Variants in ESYT3 observed in about 807,000 individuals in gnomAD.
The protein encoded by ESYT3 is extended synaptotagmin-3.
In ESYT3, 101 loss-of-function variants were observed where a neutral mutation model predicts 111.5. The ratio of observed to expected loss-of-function variants is 0.91; its 90% CI spans 0.77 to 1.07. The LOEUF is 1.07. Ranked by LOEUF, ESYT3 falls within the 50% of genes least tolerant of loss-of-function variation. The pLI is 0.00. For synonymous variants in ESYT3, 416 were observed against 446.8 expected (o/e 0.93, Z 0.87); for missense variants, 1,097 against 1,109.4 (o/e 0.99, Z 0.16).
intron 1 of ESYT3, among the ~76,000 whole-genome samples, chr3:138,443,342 A>T (rs946892243): frequency 1.5e-4 from 23 of 152,238 alleles, no homozygotes; most frequent in African/African-American, 5.3e-4. Context: ...TTAATGGTTA[A>T]ATGTTTGCCT....
chr3:138,458,495 C>T (rs1473532652), intron 4 of ESYT3, among the ~76,000 whole-genome samples: 1 of 152,244 alleles, frequency 6.6e-6, no homozygotes, highest in Non-Finnish European at 1.5e-5. Context: ...AAGAGGCACT[C>T]GGTTTTTGCG....
chr3:138,444,912 G>A (rs928807379), intron 1 of ESYT3, among the ~76,000 whole-genome samples: 6 of 152,190 alleles, frequency 3.9e-5, no homozygotes, highest in Non-Finnish European at 8.8e-5. Flanking sequence ...AACCCCCGGA[G>A]GCAGAGGAGC....
In ESYT3 at chr3:138,472,817, C is replaced by T. The variant is rs770458053; in HGVS notation, c.2195C>T (p.Ala732Val). 1.9e-6 allele frequency: 3 copies of T among 1,614,078 alleles called. No individual in the cohort carries two copies. The African/African-American group carries it at 4.0e-5, about 22-fold the overall frequency. Residue 732 changes from alanine to valine, a missense_variant, in exon 18 of 23, where the codon GCC becomes GTC. Coordinates refer to ENST00000389567, the MANE Select transcript of ESYT3 (RefSeq NM_031913.5). The part of the protein sequence containing the change: ...APSMSSLNSL[A>V]SSCFDLADIS... ...AGCATGTCCTCGCTCAACTCCTTGG[C>T]CTCTTCTTGCTTTGACCTGGCAGAT...
intron 1 of ESYT3, among the ~76,000 whole-genome samples, chr3:138,448,191 C>T (rs1202036082): frequency 1.4e-5 from 2 of 147,314 alleles, no homozygotes; most frequent in Non-Finnish European, 3.0e-5. Flanking sequence ...CACTTGAACC[C>T]AGTGGGTGGA....
chr3:138,455,509 C>T (rs2032222717), intron 3 of ESYT3, among the ~76,000 whole-genome samples, 181 bp downstream of exon 3: 1 of 152,112 alleles, frequency 6.6e-6, no homozygotes, highest in South Asian at 2.1e-4. Flanking sequence ...CAGTAGACAC[C>T]CTTCCCCCAC....
In ESYT3 at chr3:138,473,674, T is replaced by C. The variant is rs1380017815; in HGVS notation, c.2336+40T>C. 4 of 1,555,892 alleles carry C rather than the reference T, an allele frequency of 2.6e-6. No individual in the cohort carries two copies. In the East Asian group the frequency reaches 6.8e-5, roughly 26 times the overall value. Reference sequence around the variant, plus strand: ...GGGCCAGGGAGGTCCTTTGGGAGCATCAGGTGACCATAAATCAGAGTAGGG... The same window carrying C: ...GGGCCAGGGAGGTCCTTTGGGAGCACCAGGTGACCATAAATCAGAGTAGGG... On this transcript the variant is annotated intron_variant, in intron 19 of 22. Coordinates refer to ENST00000389567, the MANE Select transcript of ESYT3 (RefSeq NM_031913.5).
intron 3 of ESYT3, among the ~76,000 whole-genome samples, chr3:138,456,660 C>T (rs772345027): frequency 9.9e-5 from 15 of 152,108 alleles, no homozygotes; most frequent in Admixed American, 2.0e-4. Context: ...GTGTGAACTG[C>T]GCATGTGAGG....
rs140154947 is a variant in ESYT3 at position 138,460,635 on chromosome 3, C to A, written c.763C>A (p.Leu255Met). ...GCACCTACAGATCAACTGGACTGGC[C>A]TGACCAACCTGCTGGATGCGCCGGG... ...KPHLQINWTGLTNLLDAPGIN... is the reference protein window; with the variant it reads ...KPHLQINWTGMTNLLDAPGIN... Residue 255 changes from leucine (L) to methionine (M), a missense_variant, in exon 7 of 23, where the codon CTG becomes ATG. Coordinates refer to ENST00000389567, the MANE Select transcript of ESYT3 (RefSeq NM_031913.5). The A allele has an allele frequency of 6.2e-7, 1 of 1,614,138 alleles. No individual in the cohort carries two copies. Among genetic ancestry groups the A allele is most frequent in the Non-Finnish European group, 8.5e-7 (1 of 1,179,982 alleles).
chr3:138,461,351 T>C (rs1254666900), intron 7 of ESYT3, among the ~76,000 whole-genome samples: 1 of 152,122 alleles, frequency 6.6e-6, no homozygotes, highest in African/African-American at 2.4e-5. Context: ...GATCTCACCA[T>C]CTGGGGGCAA....
intron 4 of ESYT3, among the ~76,000 whole-genome samples, chr3:138,458,762 G>C (rs535852191): frequency 6.6e-6 from 1 of 152,344 alleles, no homozygotes; most frequent in African/African-American, 2.4e-5. Flanking sequence ...AGCAGTGGGG[G>C]CTGCTTCTGT....
Position 138,464,476 on chromosome 3 carries a change from CT to C in ESYT3, c.1048del (p.Tyr350ThrfsTer4). The C allele has an allele frequency of 1.2e-6, 2 of 1,614,134 alleles. No individual in the cohort carries two copies. The highest frequency in any genetic ancestry group is 2.2e-5 in the South Asian group (2 of 91,076). ...TACAGCATTTCCGGAGTAGGACCAT[CT>C]ACAGGAACCTGAACCCCACCTGGAA... ...GLQHFRSRTI[Y>X]RNLNPTWNEV... is the part of the protein sequence containing the mutation. On this transcript the variant is annotated frameshift_variant, in exon 9 of 23. Transcript: ENST00000389567. LOFTEE classifies it high-confidence loss of function.
chr3:138,467,738 G>C (rs1056855993), intron 11 of ESYT3, 129 bp downstream of exon 11: 49 of 848,126 alleles, frequency 5.8e-5, no homozygotes, highest in Non-Finnish European at 9.0e-5. Context: ...TCCATCCTCA[G>C]GGCAAGAGCT....
intron 19 of ESYT3, 76 bp downstream of exon 19, chr3:138,473,710 C>T: frequency 8.0e-7 from 1 of 1,245,340 alleles, no homozygotes; most frequent in South Asian, 1.2e-5. Context: ...ACACTCAGAG[C>T]AATGAAAAGG....
In ESYT3 at chr3:138,470,184, G is replaced by A. The variant is rs2033147281; in HGVS notation, c.1590+38G>A. ...AAGGGCTCTTGAAACAGAGTTAAGA[G>A]GTTTTTAAGCCAGGCGGGCTGGGAA... On this transcript the variant is annotated intron_variant, in intron 16 of 22. Transcript: ENST00000389567. 3 of 1,603,286 alleles carry A rather than the reference G, an allele frequency of 1.9e-6. No individual in the cohort carries two copies. In the African/African-American group the frequency reaches 4.0e-5, roughly 21 times the overall value.
Position 138,459,976 on chromosome 3 carries a change from C to T in ESYT3, c.680C>T (p.Pro227Leu). 1 of 1,614,106 alleles carries T rather than the reference C, an allele frequency of 6.2e-7. No homozygotes were observed. The change falls in exon 6 of 23, where the codon CCC becomes CTC. Residue 227 changes from proline to leucine, a missense_variant. Pro to Leu is a moderately conservative substitution (Grantham distance 98). Transcript: ENST00000389567. ...GGCACCCTGCGGGTCATCCTGGAGC[C>T]CCTCCTAGTGGACAAGCCCTTTGTG... ...LQGTLRVILE[P>L]LLVDKPFVGA...
chr3:138,436,407 T>G (rs2030694164), intron 1 of ESYT3, among the ~76,000 whole-genome samples: 2 of 152,342 alleles, frequency 1.3e-5, no homozygotes, highest in South Asian at 4.1e-4. Flanking sequence ...TGAACTCATT[T>G]TAACTTAATT....
At chr3:138,474,183 C>A in intron 19 of ESYT3, 38 bp from the exon 20 acceptor site, 1 of 1,222,934 alleles carries the variant, frequency 8.2e-7, no homozygotes, top group South Asian at 1.5e-5. Flanking sequence ...AACCAGGGCC[C>A]TTTTTTTTTT....
chr3:138,476,891 T>C lies in ESYT3; in HGVS notation c.*37T>C, dbSNP rs767079355. On this transcript the variant is annotated 3_prime_UTR_variant, in exon 23 of 23. Coordinates refer to ENST00000389567, the MANE Select transcript of ESYT3 (RefSeq NM_031913.5). Reference sequence around the variant, plus strand: ...CTTATCACTCACCTTTATATTAAAATGTATATATATGTATATATTTTTTCC... The same window carrying C: ...CTTATCACTCACCTTTATATTAAAACGTATATATATGTATATATTTTTTCC... 2.1e-5 allele frequency: 32 copies of C among 1,503,748 alleles called. No individual in the cohort carries two copies. The South Asian group carries it at 3.6e-4, about 17-fold the overall frequency. 93.2% of individuals were successfully genotyped at this position (1,503,748 alleles called of 1,614,324 possible).
At chr3:138,475,021 T>G (rs2108632084) in intron 20 of ESYT3, among the ~76,000 whole-genome samples, 2 of 152,312 alleles carry the variant, frequency 1.3e-5, no homozygotes, top group Non-Finnish European at 2.9e-5. Flanking sequence ...GGCCAATAAC[T>G]TTTTTAAAAA....
Sources: gnomAD v4.1 joint callset for allele counts (sites outside exome capture counted in the v4.1 genomes callset) on GRCh38, gnomAD v4.1.1 for gene constraint, MANE v1.5 for transcripts, NCBI Gene and HGNC (gene_info 2026-07-23, HGNC 2026-07-21) for gene names.